The following C3orf22 variants were observed in gnomAD, a reference collection of about 807,000 sequenced individuals.
C3orf22 encodes the protein chromosome 3 open reading frame 22, also known as uncharacterized protein C3orf22.
A neutral mutation model predicts 10.8 loss-of-function variants in C3orf22; 7 were observed. The ratio of observed to expected loss-of-function variants is 0.65; its 90% CI spans 0.37 to 1.22. C3orf22 has a LOEUF of 1.22. Among genes scored for constraint, C3orf22 ranks in the 50% most tolerant of loss-of-function variants. C3orf22 has a pLI of 0.02. For missense variants in C3orf22, 173 were observed against 177.0 expected (o/e 0.98, Z 0.13); for synonymous variants, 79 against 78.9 (o/e 1.00, Z 0.00).
downstream of C3orf22, among the ~76,000 whole-genome samples, chr3:126,546,801 G>A (rs915319894): frequency 4.6e-5 from 7 of 152,134 alleles, no homozygotes; most frequent in South Asian, 2.1e-4. Context: ...GTCTGGTTCC[G>A]TCCCTTCCCT....
At chr3:126,542,166 T>G in intron 4 of C3orf22, 1 of 1,493,214 alleles carries the variant, frequency 6.7e-7, no homozygotes, top group Non-Finnish European at 8.9e-7. Context: ...GCACGCATCG[T>G]TCAGCGCCTG....
intron 4 of C3orf22, chr3:126,542,872 G>C (rs1937002231): frequency 9.9e-6 from 3 of 302,878 alleles, no homozygotes; most frequent in Non-Finnish European, 1.8e-5. Flanking sequence ...TTGATAACCA[G>C]GGTTTTAGGC....
At chr3:126,538,598 C>T (rs1399147680) in intron 4 of C3orf22, among the ~76,000 whole-genome samples, 1 of 152,232 alleles carries the variant, frequency 6.6e-6, no homozygotes, top group Non-Finnish European at 1.5e-5. Context: ...GGCCGGATGG[C>T]CAACATTCCC....
chr3:126,556,639 C>G (rs531646696), intron 1 of C3orf22, among the ~76,000 whole-genome samples: 1 of 58,818 alleles, frequency 1.7e-5, no homozygotes, highest in Non-Finnish European at 3.2e-5. Context: ...CACTGACTGC[C>G]GTTCCCACAC....
chr3:126,551,361 C>T (rs1433618266), intron 3 of C3orf22, among the ~76,000 whole-genome samples: 1 of 152,204 alleles, frequency 6.6e-6, no homozygotes, highest in East Asian at 1.9e-4. Context: ...CCCTTCGGTG[C>T]CACACAGCTG....
chr3:126,536,198 G>A, intron 4 of C3orf22: 4 of 1,299,686 alleles, frequency 3.1e-6, no homozygotes, highest in East Asian at 2.3e-5. Context: ...GTGCCTAGAT[G>A]GGTTGGCCAA....
At chr3:126,530,464 C>T (rs115637063) in intron 4 of C3orf22, among the ~76,000 whole-genome samples, 2,078 of 152,316 alleles carry the variant, frequency 0.014, 29 homozygotes, top group African/African-American at 0.034. Context: ...GCAACTGCCC[C>T]TCCACCCCCT....
exon 6 of C3orf22, chr3:126,526,999 G>A (rs1480210174): frequency 2.0e-5 from 3 of 152,210 alleles, no homozygotes; most frequent in Non-Finnish European, 4.4e-5. Flanking sequence ...CCCCTGCCTC[G>A]AGGAGCTTAC....
downstream of C3orf22, among the ~76,000 whole-genome samples, chr3:126,545,561 G>A (rs572323392): frequency 5.3e-5 from 8 of 152,330 alleles, no homozygotes; most frequent in Admixed American, 3.9e-4. Flanking sequence ...CACAAACAGC[G>A]AGATGTAATG....
At chr3:126,552,690 C>T (rs998656338) in intron 2 of C3orf22, among the ~76,000 whole-genome samples, 26 of 152,274 alleles carry the variant, frequency 1.7e-4, no homozygotes, top group Middle Eastern at 3.4e-3. Flanking sequence ...CACTGCTGGG[C>T]GCACAACACT....
rs1309709543 is a variant in C3orf22, at chr3:126,533,956, G to C, written c.287-4584C>G. Among the ~76,000 whole-genome samples, 7 of 152,086 alleles carry C rather than the reference G, an allele frequency of 4.6e-5. No individual in the cohort carries two copies. The South Asian group carries it at 1.4e-3, about 31-fold the overall frequency. On this transcript the variant is annotated intron_variant and NMD_transcript_variant, in intron 4 of 5. Transcript: ENST00000505070. ...TCTTGAGTCAATTTCAAGAATTTCT[G>C]TCTTTCTAGGAATTTGTCTATTTCT...
At chr3:126,556,358 C>T (rs1389904473) in intron 1 of C3orf22, among the ~76,000 whole-genome samples, 1 of 152,136 alleles carries the variant, frequency 6.6e-6, no homozygotes, top group Admixed American at 6.5e-5. Flanking sequence ...CACAGTCACC[C>T]ACAGCAGCCT....
chr3:126,553,684 C>T (rs992591307), intron 1 of C3orf22, among the ~76,000 whole-genome samples: 6 of 152,336 alleles, frequency 3.9e-5, no homozygotes, highest in East Asian at 1.9e-4. Flanking sequence ...GTCCACAGCC[C>T]GGTTCCCCAA....
intron 4 of C3orf22, among the ~76,000 whole-genome samples, chr3:126,543,625 C>A (rs1182702449): frequency 1.3e-5 from 2 of 152,150 alleles, no homozygotes; most frequent in African/African-American, 2.4e-5. Flanking sequence ...CTGCCTCCCA[C>A]CTTTGTGCGT....
intron 4 of C3orf22, among the ~76,000 whole-genome samples, chr3:126,535,843 C>T (rs1340465427): frequency 2.6e-5 from 4 of 152,280 alleles, no homozygotes; most frequent in Admixed American, 6.5e-5. Flanking sequence ...TTGCCCAAAC[C>T]TTTCTGGCTG....
rs113303966 is a variant in C3orf22, at chr3:126,550,036, C to G, written c.258G>C (p.Pro86=). 979 of 1,613,910 alleles carry G rather than the reference C, an allele frequency of 6.1e-4. 9 individuals are homozygous for G. In the African/African-American group the frequency reaches 0.011, roughly 17 times the overall value. The change falls in exon 4 of 4, where the codon CCG becomes CCC. Residue 86 remains proline (P), a synonymous_variant. Transcript: ENST00000318225. ...GTGGTGATGGTGCTGGTAGTGGTGCCGGGCAGGAGCCAGACGGTGATGTAA... is the reference window on the plus strand; with the variant it reads ...GTGGTGATGGTGCTGGTAGTGGTGCGGGGCAGGAGCCAGACGGTGATGTAA... ...PDFTSPSGSC[P]APLPAPSPPP... is the part of the protein sequence containing the mutation.
chr3:126,556,106 C>G (rs1937322352), intron 1 of C3orf22, among the ~76,000 whole-genome samples: 1 of 152,230 alleles, frequency 6.6e-6, no homozygotes, highest in African/African-American at 2.4e-5. Context: ...AGGGAGCCTG[C>G]ATGCCAGTGA....
chr3:126,536,240 G>A (rs774142375), intron 4 of C3orf22: 3 of 1,598,356 alleles, frequency 1.9e-6, no homozygotes, highest in South Asian at 1.1e-5. Context: ...CCTCTGATAT[G>A]GTGGCGACAT....
chr3:126,541,863 C>T, intron 4 of C3orf22: 1 of 1,593,078 alleles, frequency 6.3e-7, no homozygotes, highest in Non-Finnish European at 8.5e-7. Flanking sequence ...GTGGACGACG[C>T]GCATGGCCTG....
Sources: gnomAD v4.1 joint callset for allele counts (sites outside exome capture counted in the v4.1 genomes callset) on GRCh38, gnomAD v4.1.1 for gene constraint, MANE v1.5 for transcripts, NCBI Gene and HGNC (gene_info 2026-07-23, HGNC 2026-07-21) for gene names.